The following SLC1A2 variants were observed in gnomAD, a reference collection of about 807,000 sequenced individuals.
SLC1A2 encodes excitatory amino acid transporter 2.
SLC1A2 carries 15 observed loss-of-function variants against 48.8 expected under a neutral mutation model. The ratio of observed to expected loss-of-function variants is 0.31; its 90% CI spans 0.21 to 0.47. SLC1A2 has a LOEUF of 0.47. Ranked by LOEUF, SLC1A2 falls within the 20% of genes least tolerant of loss-of-function variation. The pLI is 0.99. For synonymous variants in SLC1A2, 279 were observed against 272.6 expected, an observed-to-expected ratio of 1.02 and a Z score of -0.23; for missense variants, 502 against 730.5, an observed-to-expected ratio of 0.69 and a Z score of 3.61.
intron 6 of SLC1A2, among the ~76,000 whole-genome samples, chr11:35,300,528 C>T (rs1293408002): frequency 6.6e-6 from 1 of 152,222 alleles, no homozygotes; most frequent in Admixed American, 6.5e-5. Context: ...TGAGAGCACA[C>T]ACAAAGGTGC....
intron 1 of SLC1A2, among the ~76,000 whole-genome samples, chr11:35,348,209 A>G (rs1008337893): frequency 1.3e-5 from 2 of 151,284 alleles, no homozygotes; most frequent in Non-Finnish European, 3.0e-5. Flanking sequence ...TGCAATGGCC[A>G]AAGCAGTCCT....
intron 4 of SLC1A2, chr11:35,307,208 C>T (rs1393407700): frequency 7.4e-5 from 6 of 80,762 alleles, no homozygotes; most frequent in Non-Finnish European, 1.1e-4. Context: ...TCAGTTTGGG[C>T]TCCTTCTAGA....
rs189493701 is a variant in SLC1A2, at chr11:35,263,204, G to A, written c.1654-2239C>T. Among the ~76,000 whole-genome samples, 35 of 152,264 alleles carry A rather than the reference G, an allele frequency of 2.3e-4. 1 individual carries two copies. The highest frequency in any genetic ancestry group is 1.8e-3 in the Admixed American group (28 of 15,290). ...AAATTGGCCAGGTGCAGTGGCTCAC[G>A]CCTGTAATCCCAGCACCTTGGGAGG... On this transcript the variant is annotated intron_variant, in intron 10 of 10. Coordinates refer to ENST00000278379, the MANE Select transcript of SLC1A2 (RefSeq NM_004171.4).
At chr11:35,262,240 G>A (rs763282375) in intron 10 of SLC1A2, among the ~76,000 whole-genome samples, 4 of 152,318 alleles carry the variant, frequency 2.6e-5, no homozygotes, top group Non-Finnish European at 4.4e-5. Flanking sequence ...GGCTCTCAGC[G>A]ATGAACCGCA....
chr11:35,404,721 C>T (rs1351776178), intron 1 of SLC1A2, among the ~76,000 whole-genome samples: 6 of 152,230 alleles, frequency 3.9e-5, no homozygotes, highest in Non-Finnish European at 8.8e-5. Context: ...ACTGGACAAT[C>T]ACGTGTGAAT....
At position 35,399,471 on chromosome 11, in the gene SLC1A2, T is replaced by C. The variant is rs915248873; in HGVS notation, c.17+19479A>G. The C allele has an allele frequency of 4.1e-5, 8 of 193,558 alleles. 1 individual carries two copies. Among genetic ancestry groups the C allele is most frequent in the Admixed American group, 2.0e-4 (3 of 15,326 alleles). The allele number at this position is 193,558 out of a possible 1,614,324, so 12.0% of individuals were successfully genotyped here. ...ATATAAATGAAGAACCATCATAGAA[T>C]GTAAATACAAAATCTGGAGAGCCAC... On this transcript the variant is annotated intron_variant, in intron 1 of 10. Transcript: ENST00000278379.
At chr11:35,406,667 T>C (rs1855305275) in intron 1 of SLC1A2, among the ~76,000 whole-genome samples, 1 of 152,130 alleles carries the variant, frequency 6.6e-6, no homozygotes, top group South Asian at 2.1e-4. Flanking sequence ...AATACCAACA[T>C]TTCTGGCTTT....
rs1950267919 is a variant in SLC1A2, at chr11:35,253,262, T to C, written c.*7632A>G. ...CTCATAGTTGGTTCTAAAAATTTTT[T>C]GTAAACTTTCTTTAAAAATATGTGC... On this transcript the variant is annotated 3_prime_UTR_variant, in exon 11 of 11. Coordinates refer to ENST00000278379, the MANE Select transcript of SLC1A2 (RefSeq NM_004171.4). The C allele has an allele frequency of 6.6e-6, 1 of 152,492 alleles. No homozygotes were observed. Among genetic ancestry groups the C allele is most frequent in the Non-Finnish European group, 1.5e-5 (1 of 68,032 alleles). The allele number at this position is 152,492 out of a possible 1,614,324, so 9.4% of individuals were successfully genotyped here. A position where few individuals can be genotyped will look rare whatever the true frequency, so the allele number is the denominator to read the frequency against.
intron 1 of SLC1A2, chr11:35,392,497 T>G (rs1439732364): frequency 6.6e-6 from 1 of 152,286 alleles, no homozygotes; most frequent in African/African-American, 2.4e-5. Context: ...CCTTCTCTAT[T>G]GCGAATACTA....
intron 6 of SLC1A2, chr11:35,298,369 T>C (rs1851236138): frequency 1.3e-5 from 2 of 152,182 alleles, no homozygotes; most frequent in Non-Finnish European, 2.9e-5. Context: ...CTTTTCAATG[T>C]TACATTCTGC....
chr11:35,388,026 G>C (rs1854638766), intron 1 of SLC1A2, among the ~76,000 whole-genome samples: 1 of 152,238 alleles, frequency 6.6e-6, no homozygotes, highest in African/African-American at 2.4e-5. Flanking sequence ...CTGAGTCTTA[G>C]AGAACATGGC....
chr11:35,308,206 C>T (rs1430293973), intron 4 of SLC1A2, among the ~76,000 whole-genome samples: 1 of 152,222 alleles, frequency 6.6e-6, no homozygotes, highest in Non-Finnish European at 1.5e-5. Flanking sequence ...CGTCTTAGGT[C>T]AACAGTAGCC....
At chr11:35,265,427 G>A (rs1950464400) in intron 10 of SLC1A2, 100 bp downstream of exon 10, 2 of 683,560 alleles carry the variant, frequency 2.9e-6, no homozygotes, top group African/African-American at 1.8e-5. Flanking sequence ...AAATAAATGT[G>A]ACAATAATAC....
In SLC1A2 at chr11:35,251,709, C is replaced by T. The variant is rs1459035006; in HGVS notation, c.*9185G>A. 1 of 152,598 alleles carries T rather than the reference C, an allele frequency of 6.6e-6. No homozygotes were observed. Among genetic ancestry groups the T allele is most frequent in the African/African-American group, 2.4e-5 (1 of 41,456 alleles). The allele number at this position is 152,598 out of a possible 1,614,324, so 9.5% of individuals were successfully genotyped here. On this transcript the variant is annotated 3_prime_UTR_variant, in exon 11 of 11. Coordinates refer to ENST00000278379, the MANE Select transcript of SLC1A2 (RefSeq NM_004171.4). ...GCCACATTTTCAAGGAAAAATTAGC[C>T]TGTCCACCATATCTCCTCATATGAA...
intron 9 of SLC1A2, among the ~76,000 whole-genome samples, chr11:35,268,534 G>A (rs1220941857): frequency 7.2e-5 from 11 of 151,900 alleles, no homozygotes; most frequent in Admixed American, 7.2e-4. Flanking sequence ...GCATGGTGGT[G>A]TGCACCTATA....
chr11:35,283,167 C>T (rs183648495), intron 8 of SLC1A2, among the ~76,000 whole-genome samples: 193 of 152,174 alleles, frequency 1.3e-3, no homozygotes, highest in African/African-American at 4.4e-3. Flanking sequence ...GATTTGAACA[C>T]TGGTCTGCTT....
intron 6 of SLC1A2, among the ~76,000 whole-genome samples, chr11:35,296,767 A>T (rs535555679): frequency 6.6e-5 from 10 of 152,266 alleles, no homozygotes; most frequent in African/African-American, 2.4e-4. Context: ...GGTCTTCATT[A>T]AAGGTCACCT....
At chr11:35,328,719 T>C (rs1479504205) in intron 1 of SLC1A2, among the ~76,000 whole-genome samples, 8 of 152,160 alleles carry the variant, frequency 5.3e-5, no homozygotes. Flanking sequence ...TGTTGGGGGA[T>C]GGGAAGGATC....
At chr11:35,317,870 C>T (rs1851936047) in intron 1 of SLC1A2, among the ~76,000 whole-genome samples, 1 of 152,192 alleles carries the variant, frequency 6.6e-6, no homozygotes, top group African/African-American at 2.4e-5. Context: ...ATAGGTCTGG[C>T]TCCAAAGCCT....
Sources: allele counts gnomAD v4.1 joint callset (sites outside exome capture counted in the v4.1 genomes callset), GRCh38; gene constraint gnomAD v4.1.1; transcripts MANE v1.5; gene names NCBI Gene and HGNC (gene_info 2026-07-23, HGNC 2026-07-21).